SPINK5: variants seen among roughly 807,000 people sequenced by gnomAD.
SPINK5 encodes serine peptidase inhibitor Kazal type 5.
Under a neutral mutation model 151.8 loss-of-function variants are expected in SPINK5, and 125 were observed. That is an observed-to-expected ratio of 0.82 (90% CI 0.71 to 0.96). The LOEUF is 0.96. Ranked by LOEUF, SPINK5 falls within the 40% of genes least tolerant of loss-of-function variation. The probability of loss-of-function intolerance (pLI) is 0.00; values close to 1 mark genes in which losing one functional copy is unlikely to be tolerated. For missense variants in SPINK5, 1,194 were observed against 1,291.9 expected (o/e 0.92, Z 1.16); for synonymous variants, 374 against 395.3 (o/e 0.95, Z 0.64).
At chr5:148,125,135 C>G (rs553752245) in intron 28 of SPINK5, among the ~76,000 whole-genome samples, 1 of 152,108 alleles carries the variant, frequency 6.6e-6, no homozygotes, top group Middle Eastern at 3.2e-3. Flanking sequence ...AACTCAACTG[C>G]ATGCTTATCT....
rs79311897 is a variant in SPINK5, at chr5:148,087,184, A to C, written c.410+652A>C. On this transcript the variant is annotated intron_variant, in intron 5 of 32. Transcript: ENST00000256084. ...ATTAAATTTCTTCCCATCTCTCAAC[A>C]TTTACCAAATAGCTAAGGCATCTTA... 9.0e-3 allele frequency among the ~76,000 whole-genome samples: 1,362 copies of C among 151,798 alleles called. 17 individuals are homozygous for C. The highest frequency in any genetic ancestry group is 0.031 in the African/African-American group (1,299 of 41,444).
In SPINK5 at chr5:148,100,556, A is replaced by C; in HGVS notation, c.1195A>C (p.Thr399Pro). 6.2e-7 allele frequency: 1 copy of C among 1,613,220 alleles called. No homozygotes were observed. Among genetic ancestry groups the C allele is most frequent in the Non-Finnish European group, 8.5e-7 (1 of 1,179,420 alleles). ...CCCAGATGGGAAAGTGCATGGCAAC[A>C]CCTGCTCCATGTGTGAGGTCTTCTT... ...QGPDGKVHGN[T>P]CSMCEVFFQA... The change falls in exon 13 of 33, where the codon ACC becomes CCC. Residue 399 changes from threonine to proline, a missense_variant. Transcript: ENST00000256084.
chr5:148,124,788 AAAAG>A lies in SPINK5; in HGVS notation c.2696_2699del (p.Lys899MetfsTer24). 5 of 1,608,280 alleles carry A rather than the reference AAAAG, an allele frequency of 3.1e-6. No homozygotes were observed. The highest frequency in any genetic ancestry group is 4.2e-6 in the Non-Finnish European group (5 of 1,177,160). On this transcript the variant is annotated frameshift_variant, in exon 28 of 33. Coordinates refer to ENST00000256084, the MANE Select transcript of SPINK5 (RefSeq NM_006846.4). LOFTEE classifies it high-confidence loss of function. ...AGTGATCGAGAAGCTAATGAAAGAA[AAAAG>A]AAAGATGAAGAGAAATCAAGTAGCA...
rs1319793150 is a variant in SPINK5 at position 148,085,459 on chromosome 5, GT to G, written c.283-944del. On this transcript the variant is annotated intron_variant, in intron 4 of 32. Coordinates refer to ENST00000256084, the MANE Select transcript of SPINK5 (RefSeq NM_006846.4). ...TTAACTCTATATCTTTTTTAGCTAG[GT>G]TATGTCACAATAATAAGTTGCCAAA... Among the ~76,000 whole-genome samples, 6 of 151,816 alleles carry G rather than the reference GT, an allele frequency of 4.0e-5. 1 individual carries two copies. The highest frequency in any genetic ancestry group is 1.5e-4 in the African/African-American group (6 of 41,332).
At position 148,106,957 on chromosome 5, in the gene SPINK5, C is replaced by T. The variant is rs781064630; in HGVS notation, c.1480-80C>T. The T allele has an allele frequency of 6.5e-5, 103 of 1,576,326 alleles. No individual in the cohort carries two copies. Among genetic ancestry groups the T allele is most frequent in the Non-Finnish European group, 8.0e-5 (93 of 1,155,310 alleles). ...ACTTTTGTTTTTACTTTTTACTCTA[C>T]GTTACATATTCCTCATAATAGGAAA... is the stretch of plus-strand genomic sequence containing the variant. On this transcript the variant is annotated intron_variant, in intron 16 of 32. Transcript: ENST00000256084.
chr5:148,133,959 C>A, intron 32 of SPINK5, 72 bp downstream of exon 32: 1 of 1,491,656 alleles, frequency 6.7e-7, no homozygotes, highest in Non-Finnish European at 9.3e-7. Context: ...TGTTCTCTTC[C>A]ACTGAGTAAT....
chr5:148,065,569 A>G (rs1007354697), intron 2 of SPINK5, 197 bp downstream of exon 2: 53 of 567,122 alleles, frequency 9.3e-5, no homozygotes, highest in Non-Finnish European at 1.6e-4. Flanking sequence ...ACACACACAC[A>G]CACTCAACAT....
intron 15 of SPINK5, among the ~76,000 whole-genome samples, chr5:148,104,227 G>A (rs990597098): frequency 1.3e-5 from 2 of 152,094 alleles, no homozygotes; most frequent in Non-Finnish European, 2.9e-5. Context: ...TAAAGATGAG[G>A]AAGGCACAGA....
Position 148,125,728 on chromosome 5 carries a change from G to GT in SPINK5, c.2746dup (p.Cys916LeufsTer3), listed in dbSNP as rs768552375. The stretch of plus-strand genomic sequence containing the variant: ...TTCCCTTTCTCATTTTCTAGGATGA[G>GT]TGCAGTGAATTTCGAAACTATATAA... On this transcript the variant is annotated frameshift_variant, in exon 29 of 33. Transcript: ENST00000256084. LOFTEE classifies it high-confidence loss of function. The GT allele has an allele frequency of 1.9e-6, 3 of 1,614,198 alleles. No individual in the cohort carries two copies. In the East Asian group the frequency reaches 6.7e-5, roughly 36 times the overall value.
intron 2 of SPINK5, among the ~76,000 whole-genome samples, chr5:148,067,151 T>C (rs1752606619): frequency 1.3e-5 from 2 of 152,192 alleles, no homozygotes; most frequent in African/African-American, 4.8e-5. Context: ...CTAAGAGTCA[T>C]TCTTCAGGCA....
rs749595562 is a variant in SPINK5 at position 148,072,237 on chromosome 5, C to A, written c.282+17C>A. On this transcript the variant is annotated intron_variant, in intron 4 of 32. Coordinates refer to ENST00000256084, the MANE Select transcript of SPINK5 (RefSeq NM_006846.4). ...CCAACAGAGGTGAGACTATTTGGAG[C>A]CAACCTGTTTACTTTTGAGAGGATG... 6.2e-7 allele frequency: 1 copy of A among 1,610,282 alleles called. No individual in the cohort carries two copies. The highest frequency in any genetic ancestry group is 2.2e-5 in the East Asian group (1 of 44,786).
chr5:148,093,531 A>G (rs1399147296), intron 8 of SPINK5, among the ~76,000 whole-genome samples: 2 of 152,090 alleles, frequency 1.3e-5, no homozygotes, highest in Middle Eastern at 3.4e-3. Context: ...GAGAAAATCA[A>G]CTAAAGTAAG....
rs755871798 is a variant in SPINK5, at chr5:148,065,344, C to A, written c.56-3C>A. 2.5e-6 allele frequency: 4 copies of A among 1,613,238 alleles called. No individual in the cohort carries two copies. In the African/African-American group the frequency reaches 4.0e-5, roughly 16 times the overall value. ...AACTTTGGTTTCTATATTTTCATCC[C>A]AGATGCTGCCAGTAAGAATGAAGAT... On this transcript the variant is annotated splice_region_variant and splice_polypyrimidine_tract_variant and intron_variant, in intron 1 of 32. Transcript: ENST00000256084.
intron 3 of SPINK5, among the ~76,000 whole-genome samples, chr5:148,071,934 A>C (rs556911835): frequency 9.9e-5 from 15 of 152,174 alleles, no homozygotes; most frequent in Admixed American, 7.2e-4. Context: ...ATGCAGTTAA[A>C]GTTAGAGATT....
intron 9 of SPINK5, among the ~76,000 whole-genome samples, chr5:148,095,365 A>C (rs1161318580): frequency 1.3e-5 from 2 of 151,976 alleles, no homozygotes; most frequent in Non-Finnish European, 2.9e-5. Context: ...ATTACTCACT[A>C]AATGAATGAA....
At chr5:148,064,576 T>A (rs1031438051) in intron 1 of SPINK5, among the ~76,000 whole-genome samples, 1 of 152,220 alleles carries the variant, frequency 6.6e-6, no homozygotes, top group African/African-American at 2.4e-5. Context: ...TGTTTTCAAA[T>A]GCTAAATGGG....
chr5:148,116,469 G>A lies in SPINK5; in HGVS notation c.2112+3G>A, dbSNP rs761612369. 1.9e-6 allele frequency: 3 copies of A among 1,613,896 alleles called. No individual in the cohort carries two copies. The highest frequency in any genetic ancestry group is 2.5e-6 in the Non-Finnish European group (3 of 1,179,902). On this transcript the variant is annotated splice_donor_region_variant and intron_variant, in intron 22 of 32. Coordinates refer to ENST00000256084, the MANE Select transcript of SPINK5 (RefSeq NM_006846.4). The stretch of plus-strand genomic sequence containing the variant: ...GTGGTGGAGGAGGAAACACTCAGGT[G>A]AGAGCAACCTCTAATTTCAGTAACT...
intron 22 of SPINK5, among the ~76,000 whole-genome samples, 200 bp downstream of exon 22, chr5:148,116,666 A>G (rs1053744131): frequency 2.0e-5 from 3 of 152,222 alleles, no homozygotes; most frequent in African/African-American, 7.2e-5. Context: ...ACACCTTGAA[A>G]TAATTAACAA....
intron 12 of SPINK5, 37 bp from the exon 13 acceptor site, chr5:148,100,417 G>T: frequency 6.3e-7 from 1 of 1,598,462 alleles, no homozygotes; most frequent in South Asian, 1.1e-5. Context: ...AAGTAGAAAT[G>T]AAATATATGG....
Sources: gnomAD v4.1 joint callset for allele counts (sites outside exome capture counted in the v4.1 genomes callset) on GRCh38, gnomAD v4.1.1 for gene constraint, MANE v1.5 for transcripts, NCBI Gene and HGNC (gene_info 2026-07-23, HGNC 2026-07-21) for gene names.